The following ADCY8 variants were observed in gnomAD, a reference collection of about 807,000 sequenced individuals.
The protein encoded by ADCY8 is adenylate cyclase 8.
In ADCY8, 51 loss-of-function variants were observed where a neutral mutation model predicts 119.7. The observed-to-expected ratio is 0.43, with a 90% CI of 0.34 to 0.54. The LOEUF is 0.54. Among genes scored for constraint, ADCY8 ranks in the 20% least tolerant of loss-of-function variants. The pLI is 0.03. For missense variants in ADCY8, 1,383 were observed against 1,598.8 expected, an observed-to-expected ratio of 0.87 and a Z score of 2.30; for synonymous variants, 665 against 651.0, an observed-to-expected ratio of 1.02 and a Z score of -0.33.
chr8:130,964,417 ATC>A (rs58339651), intron 2 of ADCY8, among the ~76,000 whole-genome samples: 9,084 of 152,256 alleles, frequency 0.06, 932 homozygotes, highest in African/African-American at 0.21. Flanking sequence ...TAGTTTTATC[ATC>A]TGTTAGTGTA....
chr8:130,824,911 C>T (rs2130216576), intron 12 of ADCY8, among the ~76,000 whole-genome samples: 1 of 152,320 alleles, frequency 6.6e-6, no homozygotes, highest in African/African-American at 2.4e-5. Flanking sequence ...ATTACAGTTG[C>T]CTCCCAAATA....
chr8:130,977,407 C>G (rs1382927225), intron 2 of ADCY8, among the ~76,000 whole-genome samples: 1 of 152,142 alleles, frequency 6.6e-6, no homozygotes, highest in African/African-American at 2.4e-5. Flanking sequence ...AAGGTGTAAT[C>G]CAACCTTCTT....
At chr8:130,798,994 AT>A (rs1397033401) in intron 15 of ADCY8, among the ~76,000 whole-genome samples, 1 of 152,146 alleles carries the variant, frequency 6.6e-6, no homozygotes, top group Non-Finnish European at 1.5e-5. Context: ...AACAACATGG[AT>A]GGGTCTGGAG....
At chr8:130,843,242 T>C (rs1462989158) in intron 11 of ADCY8, among the ~76,000 whole-genome samples, 2 of 152,234 alleles carry the variant, frequency 1.3e-5, no homozygotes, top group Non-Finnish European at 2.9e-5. Context: ...TGAATCTTTC[T>C]CAGTCTGACT....
intron 3 of ADCY8, among the ~76,000 whole-genome samples, chr8:130,949,286 T>C (rs148821919): frequency 6.6e-6 from 1 of 152,224 alleles, no homozygotes; most frequent in Non-Finnish European, 1.5e-5. Context: ...CATGTTGGTG[T>C]GGACGCGCTG....
chr8:130,847,519 G>T lies in ADCY8; in HGVS notation c.2413-6C>A. Reference sequence around the variant, plus strand: ...TTGTCAAAATCACACCACAGCTGCGGATTAAAAAAAAAAAAAAAAGAACAA... The same window carrying T: ...TTGTCAAAATCACACCACAGCTGCGTATTAAAAAAAAAAAAAAAAGAACAA... On this transcript the variant is annotated splice_region_variant and splice_polypyrimidine_tract_variant and intron_variant, in intron 10 of 17. Coordinates refer to ENST00000286355, the MANE Select transcript of ADCY8 (RefSeq NM_001115.3). 6.5e-7 allele frequency: 1 copy of T among 1,541,638 alleles called. No homozygotes were observed. The highest frequency in any genetic ancestry group is 8.7e-7 in the Non-Finnish European group (1 of 1,148,518).
chr8:130,826,667 A>T (rs1816676506), intron 12 of ADCY8, among the ~76,000 whole-genome samples: 2 of 151,778 alleles, frequency 1.3e-5, no homozygotes, highest in Admixed American at 1.3e-4. Context: ...ACCATGGCTT[A>T]TCTGCAGCCT....
At chr8:130,939,701 G>A (rs1174602738) in intron 4 of ADCY8, among the ~76,000 whole-genome samples, 1 of 152,190 alleles carries the variant, frequency 6.6e-6, no homozygotes, top group East Asian at 1.9e-4. Context: ...TGTGACAAGT[G>A]CCAAAATAAT....
In ADCY8 at chr8:130,988,771, G is replaced by A. The variant is rs139150886; in HGVS notation, c.1110+1622C>T. On this transcript the variant is annotated intron_variant, in intron 2 of 17. Coordinates refer to ENST00000286355, the MANE Select transcript of ADCY8 (RefSeq NM_001115.3). Reference sequence around the variant, plus strand: ...CAATTTTAGATTATTAGATCACAGTGATTCCAAGACACCCAGCTTGAAGGA... The same window carrying A: ...CAATTTTAGATTATTAGATCACAGTAATTCCAAGACACCCAGCTTGAAGGA... 1.1e-4 allele frequency among the ~76,000 whole-genome samples: 16 copies of A among 152,288 alleles called. No individual in the cohort carries two copies. In the East Asian group the frequency reaches 3.1e-3, roughly 29 times the overall value.
At chr8:131,024,038 T>C (rs537215253) in intron 1 of ADCY8, among the ~76,000 whole-genome samples, 38 of 152,330 alleles carry the variant, frequency 2.5e-4, no homozygotes, top group African/African-American at 7.9e-4. Context: ...GCTATTTTTG[T>C]CCATGAGTGG....
intron 2 of ADCY8, among the ~76,000 whole-genome samples, chr8:130,973,822 A>G (rs2130709996): frequency 6.6e-6 from 1 of 152,310 alleles, no homozygotes; most frequent in African/African-American, 2.4e-5. Flanking sequence ...AATGGAGCAA[A>G]AAAGCATATT....
chr8:130,863,630 T>C (rs1306025756), intron 9 of ADCY8, among the ~76,000 whole-genome samples: 6 of 152,160 alleles, frequency 3.9e-5, no homozygotes, highest in Non-Finnish European at 8.8e-5. Flanking sequence ...TATATTTCTC[T>C]CTTTAAAAAC....
chr8:130,920,935 T>C (rs911475598), intron 5 of ADCY8, among the ~76,000 whole-genome samples: 8 of 152,220 alleles, frequency 5.3e-5, no homozygotes, highest in Non-Finnish European at 2.9e-5. Flanking sequence ...AGCCTGCTGG[T>C]CCACCCTGCA....
intron 9 of ADCY8, among the ~76,000 whole-genome samples, chr8:130,861,964 A>G (rs1468348809): frequency 6.6e-6 from 1 of 152,166 alleles, no homozygotes; most frequent in Non-Finnish European, 1.5e-5. Flanking sequence ...ACTTACTAAT[A>G]TAGTTAACCA....
chr8:130,903,673 A>C, intron 7 of ADCY8, 99 bp downstream of exon 7: 2 of 1,369,902 alleles, frequency 1.5e-6, no homozygotes, highest in Non-Finnish European at 1.0e-6. Flanking sequence ...TCATTGGAGA[A>C]AAGGTTAAAG....
intron 2 of ADCY8, among the ~76,000 whole-genome samples, chr8:130,985,105 C>T (rs944253328): frequency 1.3e-5 from 2 of 151,986 alleles, no homozygotes; most frequent in Non-Finnish European, 1.5e-5. Context: ...TCAAGTTCCC[C>T]CTAGTAAAAT....
At chr8:130,826,805 A>G (rs1010441889) in intron 12 of ADCY8, among the ~76,000 whole-genome samples, 3 of 152,182 alleles carry the variant, frequency 2.0e-5, no homozygotes, top group African/African-American at 7.2e-5. Flanking sequence ...AGATACCAAA[A>G]CAAAAGGCAG....
intron 9 of ADCY8, among the ~76,000 whole-genome samples, chr8:130,861,286 G>A (rs1290895601): frequency 6.6e-6 from 1 of 152,044 alleles, no homozygotes; most frequent in Non-Finnish European, 1.5e-5. Context: ...AGATCAAGTT[G>A]GGAAAAATTA....
intron 11 of ADCY8, among the ~76,000 whole-genome samples, chr8:130,846,891 CCTTCCTTCCTT>C (rs760371248): frequency 0.018 from 987 of 53,772 alleles, 47 homozygotes; most frequent in South Asian, 0.042. Context: ...CCTTCCCTTT[CCTTCCTTCCTT>C]CCTTCCTTCC....
Sources: gnomAD v4.1 joint callset for allele counts (sites outside exome capture counted in the v4.1 genomes callset) on GRCh38, gnomAD v4.1.1 for gene constraint, MANE v1.5 for transcripts, NCBI Gene and HGNC (gene_info 2026-07-23, HGNC 2026-07-21) for gene names.